Variants in MAD1L1 observed in about 807,000 individuals in gnomAD.
MAD1L1 encodes the protein mitotic arrest deficient 1 like 1.
In MAD1L1, 95 loss-of-function variants were observed where a neutral mutation model predicts 96.9. The observed-to-expected ratio is 0.98, with a 90% CI of 0.83 to 1.16. The LOEUF is 1.16. Ranked by LOEUF, MAD1L1 falls within the 50% of genes most tolerant of loss-of-function variation. MAD1L1 has a pLI of 0.00. For synonymous variants in MAD1L1, 473 were observed against 396.6 expected (o/e 1.19, Z -2.29); for missense variants, 1,007 against 954.4 (o/e 1.06, Z -0.73).
At chr7:1,835,279 T>A (rs969400812) in intron 18 of MAD1L1, among the ~76,000 whole-genome samples, 1 of 152,254 alleles carries the variant, frequency 6.6e-6, no homozygotes, top group African/African-American at 2.4e-5. Context: ...TCACTCTCAC[T>A]GCTTGTATTC....
At chr7:2,216,029 AG>A (rs1793255322) in intron 8 of MAD1L1, 30 bp from the exon 9 acceptor site, 2 of 1,612,642 alleles carry the variant, frequency 1.2e-6, no homozygotes. Flanking sequence ...TCGCTCAAAT[AG>A]CCACACACCC....
intron 11 of MAD1L1, among the ~76,000 whole-genome samples, chr7:2,083,941 G>T (rs1785780577): frequency 6.6e-6 from 1 of 152,214 alleles, no homozygotes; most frequent in African/African-American, 2.4e-5. Context: ...AGGAGCTTGG[G>T]CAAGAAGGCA....
intron 11 of MAD1L1, among the ~76,000 whole-genome samples, chr7:2,093,994 G>A (rs1367050978): frequency 6.6e-6 from 1 of 152,188 alleles, no homozygotes; most frequent in Non-Finnish European, 1.5e-5. Flanking sequence ...CATCCACACA[G>A]AGCTCTCAGG....
At chr7:2,091,657 T>A (rs1260482638) in intron 11 of MAD1L1, among the ~76,000 whole-genome samples, 1 of 151,824 alleles carries the variant, frequency 6.6e-6, no homozygotes, top group Non-Finnish European at 1.5e-5. Flanking sequence ...GCGCCTGTAG[T>A]CCCAGCTACT....
chr7:2,194,659 T>C (rs1236243786), intron 10 of MAD1L1, among the ~76,000 whole-genome samples: 2 of 152,170 alleles, frequency 1.3e-5, no homozygotes, highest in Non-Finnish European at 2.9e-5. Flanking sequence ...AGAAAAAACG[T>C]ACCAGACTCT....
intron 13 of MAD1L1, among the ~76,000 whole-genome samples, chr7:2,008,196 C>G (rs1364367121): frequency 6.6e-6 from 1 of 152,182 alleles, no homozygotes; most frequent in Non-Finnish European, 1.5e-5. Flanking sequence ...CTCACAAGGG[C>G]GAGGAGCTGG....
In MAD1L1 at chr7:2,145,874, C is replaced by G. The variant is rs564690364; in HGVS notation, c.1073+3278G>C. Among the ~76,000 whole-genome samples, 12 of 152,344 alleles carry G rather than the reference C, an allele frequency of 7.9e-5. No homozygotes were observed. In the East Asian group the frequency reaches 2.3e-3, roughly 29 times the overall value. On this transcript the variant is annotated intron_variant, in intron 11 of 18. Coordinates refer to ENST00000265854, the MANE Select transcript of MAD1L1 (RefSeq NM_001013836.2). ...GAACTCCGCAGAGGAGCCCGACCCACAGGACCTGCTGAGGTACCTGCTGGC... is the reference window on the plus strand; with the variant it reads ...GAACTCCGCAGAGGAGCCCGACCCAGAGGACCTGCTGAGGTACCTGCTGGC...
chr7:2,072,993 G>A (rs1291963447), intron 11 of MAD1L1, among the ~76,000 whole-genome samples: 2 of 152,226 alleles, frequency 1.3e-5, no homozygotes, highest in African/African-American at 2.4e-5. Context: ...CCCGGCACTT[G>A]AGGACCAGGG....
chr7:1,980,558 G>A lies in MAD1L1; in HGVS notation c.1417-17C>T, dbSNP rs200492017. On this transcript the variant is annotated splice_polypyrimidine_tract_variant and intron_variant, in intron 14 of 18. Coordinates refer to ENST00000265854, the MANE Select transcript of MAD1L1 (RefSeq NM_001013836.2). ...CATCTCCAGCTAGGAGAAAGCAAAGGATAGAGGGTCAGCAGACACGAGCGC... is the reference window on the plus strand; with the variant it reads ...CATCTCCAGCTAGGAGAAAGCAAAGAATAGAGGGTCAGCAGACACGAGCGC... 1 of 1,602,560 alleles carries A rather than the reference G, an allele frequency of 6.2e-7. No homozygotes were observed. Among genetic ancestry groups the A allele is most frequent in the African/African-American group, 1.3e-5 (1 of 74,726 alleles).
chr7:2,176,877 A>G (rs879469091), intron 10 of MAD1L1, among the ~76,000 whole-genome samples: 22 of 152,266 alleles, frequency 1.4e-4, no homozygotes, highest in African/African-American at 5.3e-4. Flanking sequence ...AAATTTATCA[A>G]AAGATAGGCA....
chr7:2,165,298 G>C (rs954391026), intron 10 of MAD1L1, among the ~76,000 whole-genome samples: 3 of 152,216 alleles, frequency 2.0e-5, no homozygotes, highest in Non-Finnish European at 4.4e-5. Flanking sequence ...GGGGATGAAG[G>C]GCTGGACTGG....
At chr7:2,182,970 C>T (rs1336549136) in intron 10 of MAD1L1, among the ~76,000 whole-genome samples, 1 of 152,042 alleles carries the variant, frequency 6.6e-6, no homozygotes, top group Non-Finnish European at 1.5e-5. Context: ...CGCTTATAAT[C>T]CCAGCCCTCT....
chr7:2,084,490 T>C (rs954664928), intron 11 of MAD1L1, among the ~76,000 whole-genome samples: 1 of 152,240 alleles, frequency 6.6e-6, no homozygotes, highest in Non-Finnish European at 1.5e-5. Flanking sequence ...AGCAGGTACC[T>C]GTGCTCACGG....
At chr7:1,962,346 CCATT>C (rs1189908454) in intron 15 of MAD1L1, among the ~76,000 whole-genome samples, 2 of 152,192 alleles carry the variant, frequency 1.3e-5, no homozygotes, top group Non-Finnish European at 2.9e-5. Context: ...AACTGTGAGT[CCATT>C]CAATCTCTTT....
intron 12 of MAD1L1, among the ~76,000 whole-genome samples, chr7:2,046,624 G>C (rs1284661397): frequency 1.3e-5 from 2 of 152,190 alleles, no homozygotes; most frequent in African/African-American, 4.8e-5. Flanking sequence ...CAGATCAGAA[G>C]CGACACAAAC....
At chr7:1,898,523 G>A (rs1265545104) in intron 17 of MAD1L1, 133 bp from the exon 18 acceptor site, 26 of 682,146 alleles carry the variant, frequency 3.8e-5, no homozygotes, top group Non-Finnish European at 5.5e-5. Context: ...GCAAGCCCCC[G>A]TGTCACACCA....
intron 15 of MAD1L1, among the ~76,000 whole-genome samples, chr7:1,977,989 G>A (rs888100934): frequency 1.7e-4 from 26 of 152,224 alleles, no homozygotes; most frequent in Non-Finnish European, 2.1e-4. Context: ...ACCCTGCCTC[G>A]CGTGGCATTC....
At chr7:1,996,813 ATAAAG>A (rs1781582063) in intron 14 of MAD1L1, among the ~76,000 whole-genome samples, 1 of 151,430 alleles carries the variant, frequency 6.6e-6, no homozygotes, top group Non-Finnish European at 1.5e-5. Flanking sequence ...GAATCGGAAA[ATAAAG>A]CTTCACTCCT....
chr7:2,123,999 T>C (rs1017089652), intron 11 of MAD1L1, among the ~76,000 whole-genome samples: 1 of 152,364 alleles, frequency 6.6e-6, no homozygotes, highest in Non-Finnish European at 1.5e-5. Context: ...GCAAGAACTC[T>C]GCTTCCTGGG....
Sources: allele counts gnomAD v4.1 joint callset (sites outside exome capture counted in the v4.1 genomes callset), GRCh38; gene constraint gnomAD v4.1.1; transcripts MANE v1.5; gene names NCBI Gene and HGNC (gene_info 2026-07-23, HGNC 2026-07-21).